The following CASD1 variants were observed in gnomAD, a reference collection of about 807,000 sequenced individuals.
CASD1 encodes the protein N-acetylneuraminate (7)9-O-acetyltransferase.
A neutral mutation model predicts 100.0 loss-of-function variants in CASD1; 41 were observed. The ratio of observed to expected loss-of-function variants is 0.41; its 90% confidence interval spans 0.32 to 0.53. The LOEUF is 0.53. Ranked by LOEUF, CASD1 falls within the 20% of genes least tolerant of loss-of-function variation. The pLI is 0.25. For synonymous variants in CASD1, 321 were observed against 315.6 expected (o/e 1.02, Z -0.18); for missense variants, 774 against 948.7 (o/e 0.82, Z 2.42).
intron 8 of CASD1, among the ~76,000 whole-genome samples, chr7:94,536,974 G>A (rs1046581427): frequency 6.6e-6 from 1 of 152,070 alleles, no homozygotes; most frequent in African/African-American, 2.4e-5. Context: ...TTTTTTAGTG[G>A]CAGTTATTTT....
At chr7:94,553,535 T>A (rs1167168527) in intron 16 of CASD1, among the ~76,000 whole-genome samples, 3 of 152,172 alleles carry the variant, frequency 2.0e-5, no homozygotes, top group African/African-American at 7.2e-5. Context: ...TGATCAACAT[T>A]GAATATGAGT....
Position 94,535,513 on chromosome 7 carries a change from G to A in CASD1, c.833G>A (p.Ser278Asn). The A allele has an allele frequency of 6.2e-7, 1 of 1,612,910 alleles. No individual in the cohort carries two copies. The highest frequency in any genetic ancestry group is 1.1e-5 in the South Asian group (1 of 91,004). The change falls in exon 8 of 18, where the codon AGC becomes AAC. Residue 278 changes from serine (S) to asparagine (N), a missense_variant. Transcript: ENST00000297273. ...SLDGLHLPESSRETTAMILMN... is the reference protein window; with the variant it reads ...SLDGLHLPESNRETTAMILMN... The stretch of plus-strand genomic sequence containing the variant: ...GATGGCTTACATCTTCCTGAATCGA[G>A]CAGAGAAACTGTGAGAAATTTTTAC...
chr7:94,608,858 T>A, the CASD1 span, among the ~76,000 whole-genome samples: 2 of 152,180 alleles, frequency 1.3e-5, no homozygotes, highest in African/African-American at 4.8e-5. Flanking sequence ...TTGAAAAAAC[T>A]AGACTTATAC....
At chr7:94,600,501 G>T in the CASD1 span, 22 of 635,056 alleles carry the variant, frequency 3.5e-5, no homozygotes, top group South Asian at 4.0e-4. Flanking sequence ...TCATTTTAAA[G>T]GAATAAAGTA....
At chr7:94,575,074 C>T in the CASD1 span, among the ~76,000 whole-genome samples, 1 of 152,126 alleles carries the variant, frequency 6.6e-6, no homozygotes, top group Admixed American at 6.5e-5. Flanking sequence ...TTGGTTATTT[C>T]TTGTCTTCTG....
chr7:94,582,600 T>C, the CASD1 span, among the ~76,000 whole-genome samples: 11 of 152,210 alleles, frequency 7.2e-5, no homozygotes, highest in African/African-American at 2.7e-4. Flanking sequence ...ATTCTGTAGG[T>C]TGTCTGTTTA....
the CASD1 span, among the ~76,000 whole-genome samples, chr7:94,611,505 C>A: frequency 6.6e-6 from 1 of 151,834 alleles, no homozygotes; most frequent in Non-Finnish European, 1.5e-5. Flanking sequence ...GTGGGGGTGA[C>A]TTCTAATGGG....
chr7:94,532,146 T>C (rs1284060210), intron 5 of CASD1, among the ~76,000 whole-genome samples: 2 of 152,142 alleles, frequency 1.3e-5, no homozygotes, highest in East Asian at 3.8e-4. Flanking sequence ...ATGGTTAATA[T>C]GTTCCAAGAC....
chr7:94,598,689 C>CAA, the CASD1 span: 1 of 975,398 alleles, frequency 1.0e-6, no homozygotes, highest in Non-Finnish European at 1.7e-6. Flanking sequence ...AACAAACAAA[C>CAA]ACAACAACAG....
the CASD1 span, chr7:94,629,384 C>T: frequency 7.2e-5 from 17 of 236,850 alleles, no homozygotes; most frequent in South Asian, 9.3e-4. Context: ...TTCCAAAAAT[C>T]AATGTACTAT....
intron 10 of CASD1, among the ~76,000 whole-genome samples, chr7:94,541,720 C>T (rs1795412300): frequency 6.6e-6 from 1 of 151,654 alleles, no homozygotes; most frequent in Non-Finnish European, 1.5e-5. Context: ...TAATACTAAA[C>T]TTTTGTTGTA....
At chr7:94,615,274 G>A in the CASD1 span, among the ~76,000 whole-genome samples, 7 of 152,052 alleles carry the variant, frequency 4.6e-5, no homozygotes, top group South Asian at 8.3e-4. Context: ...CAGGAGAATC[G>A]CTTGAACCCA....
the CASD1 span, among the ~76,000 whole-genome samples, chr7:94,566,463 GA>G: frequency 1.4e-5 from 2 of 147,892 alleles, no homozygotes; most frequent in Non-Finnish European, 3.0e-5. Flanking sequence ...GAGTCAAATT[GA>G]AAAAAAAAAC....
chr7:94,557,810 A>G (rs1238545564), downstream of CASD1, among the ~76,000 whole-genome samples: 2 of 151,874 alleles, frequency 1.3e-5, no homozygotes, highest in Admixed American at 6.6e-5. Context: ...AATATTTTTT[A>G]TATTTGATTT....
chr7:94,552,030 G>A (rs895290805), intron 15 of CASD1: 1 of 232,984 alleles, frequency 4.3e-6, no homozygotes, highest in Non-Finnish European at 8.2e-6. Context: ...TCAATTAAAC[G>A]GGAATTTTAA....
chr7:94,588,971 C>T, the CASD1 span: 1 of 527,784 alleles, frequency 1.9e-6, no homozygotes, highest in Non-Finnish European at 3.4e-6. Flanking sequence ...CTCTAAAGTA[C>T]CTCACAACAA....
In CASD1 at chr7:94,535,361, G is replaced by A; in HGVS notation, c.681G>A (p.Glu227=). The change falls in exon 8 of 18, where the codon GAG becomes GAA. Residue 227 remains glutamate (E), a synonymous_variant. Coordinates refer to ENST00000297273, the MANE Select transcript of CASD1 (RefSeq NM_022900.5). ...AAAATAGGAAGATGATCACTAATGA[G>A]AAGATAGATGCTTACAATGAAGCTG... ...LSENRKMITN[E]KIDAYNEAAV... is the part of the protein sequence containing the mutation. 6.2e-7 allele frequency: 1 copy of A among 1,613,568 alleles called. No homozygotes were observed. The highest frequency in any genetic ancestry group is 2.2e-5 in the East Asian group (1 of 44,752).
chr7:94,616,220 G>A, the CASD1 span, among the ~76,000 whole-genome samples: 1 of 152,104 alleles, frequency 6.6e-6, no homozygotes, highest in Admixed American at 6.6e-5. Context: ...TTACTCTGAG[G>A]TTCTACTACT....
At position 94,537,622 on chromosome 7, in the gene CASD1, A is replaced by G. The variant is rs1795183424; in HGVS notation, c.994A>G (p.Ile332Val). The G allele has an allele frequency of 1.9e-6, 3 of 1,613,808 alleles. No homozygotes were observed. The highest frequency in any genetic ancestry group is 1.7e-6 in the Non-Finnish European group (2 of 1,179,910). The change falls in exon 9 of 18, where the codon ATA becomes GTA. Residue 332 changes from isoleucine (I) to valine (V), a missense_variant. Physicochemically the swap from Ile to Val is conservative, Grantham distance 29. Around this residue, in one of 5 missense-constraint regions of CASD1, gnomAD observed 453 missense variants for 532.6 expected, o/e 0.85. Transcript: ENST00000297273. ...LSIIGYLIFY[I>V]IHRNAHRKNK... is the part of the protein sequence containing the mutation. Reference sequence around the variant, plus strand: ...TATTATCGGATATTTAATTTTTTACATAATTCATCGTAATGCTCATCGGAA... The same window carrying G: ...TATTATCGGATATTTAATTTTTTACGTAATTCATCGTAATGCTCATCGGAA...
Sources: gnomAD v4.1 joint callset for allele counts (sites outside exome capture counted in the v4.1 genomes callset) on GRCh38, gnomAD v4.1.1 for gene constraint, gnomAD v4.1.1 regional missense constraint, MANE v1.5 for transcripts, NCBI Gene and HGNC (gene_info 2026-07-23, HGNC 2026-07-21) for gene names.